The following ADGRE2 variants were observed in gnomAD, a reference collection of about 807,000 sequenced individuals.
ADGRE2 encodes CD97 antigen.
Under a neutral mutation model 100.8 loss-of-function variants are expected in ADGRE2, and 83 were observed. That is an observed-to-expected ratio of 0.82 (90% CI 0.69 to 0.99). The LOEUF (loss-of-function observed/expected upper bound fraction) is 0.99, where lower values mean the gene tolerates loss of function less well. Ranked by LOEUF, ADGRE2 falls within the 50% of genes least tolerant of loss-of-function variation. The pLI is 0.00. For missense variants in ADGRE2, 814 were observed against 1,035.7 expected, an observed-to-expected ratio of 0.79 and a Z score of 2.94; for synonymous variants, 355 against 413.0, an observed-to-expected ratio of 0.86 and a Z score of 1.70.
chr19:14,776,876 G>T lies in ADGRE2; in HGVS notation c.-120C>A, dbSNP rs1390114206. On this transcript the variant is annotated 5_prime_UTR_variant, in exon 2 of 21. Coordinates refer to ENST00000315576, the MANE Select transcript of ADGRE2 (RefSeq NM_013447.4). ...CCCGAGGCCAGGACTTTATAAAGGA[G>T]GGGGGGCGGACAGCCGCTGGCCCAG... 3.9e-6 allele frequency: 6 copies of T among 1,533,932 alleles called. No homozygotes were observed. Among genetic ancestry groups the T allele is most frequent in the Non-Finnish European group, 5.3e-6 (6 of 1,137,988 alleles).
At chr19:14,727,807 C>T (rs2147045057), downstream of ADGRE2, among the ~76,000 whole-genome samples, 1 of 152,254 alleles carries the variant, frequency 6.6e-6, no homozygotes, top group South Asian at 2.1e-4. Context: ...CACCTTATAC[C>T]CTCTTGCCCA....
intron 4 of ADGRE2, among the ~76,000 whole-genome samples, chr19:14,773,097 AACAAAAAAAAAAAG>A (rs2044275808): frequency 4.5e-5 from 5 of 110,296 alleles, no homozygotes; most frequent in African/African-American, 1.9e-4. Flanking sequence ...AAAAAAAAAA[AACAAAAAAAAAAAG>A]AAAAAAGAAA....
the ADGRE2 span, among the ~76,000 whole-genome samples, chr19:14,727,141 C>T: frequency 1.3e-5 from 2 of 148,446 alleles, no homozygotes; most frequent in Non-Finnish European, 3.0e-5. Flanking sequence ...CATTCTCTCA[C>T]TTCAGCCTCC....
chr19:14,776,629 A>G (rs1243861428), intron 2 of ADGRE2, 97 bp downstream of exon 2: 17 of 1,395,682 alleles, frequency 1.2e-5, no homozygotes, highest in African/African-American at 1.4e-5. Flanking sequence ...CGCCGGCCCC[A>G]CAGACACCAG....
chr19:14,773,405 G>T (rs1337263627), intron 4 of ADGRE2, among the ~76,000 whole-genome samples: 27 of 90,488 alleles, frequency 3.0e-4, no homozygotes, highest in Admixed American at 5.4e-4. Flanking sequence ...CTCTCTTTCT[G>T]TCTTTTTTTT....
chr19:14,774,008 G>C lies in ADGRE2; in HGVS notation c.129C>G (p.Thr43=). ...TGAACCCTGGATTGCAGCGACAGGC[G>C]GTGGCATTGACACACGAGGAGTCCT... ...CPQDSSCVNA[T]ACRCNPGFSS... is the part of the protein sequence containing the mutation. Residue 43 remains threonine (T), a synonymous_variant, in exon 4 of 21, where the codon ACC becomes ACG. Transcript: ENST00000315576. The C allele has an allele frequency of 6.2e-7, 1 of 1,614,086 alleles. No homozygotes were observed. The highest frequency in any genetic ancestry group is 8.5e-7 in the Non-Finnish European group (1 of 1,180,028).
chr19:14,736,665 AATATATATATTTAGAAAT>A lies in ADGRE2; in HGVS notation c.2464-439_2464-422del, dbSNP rs1223755073. On this transcript the variant is annotated intron_variant, in intron 20 of 20. Transcript: ENST00000315576. ...ATTTAGAAATACATAGATATTTCTA[AATATATATATTTAGAAAT>A]ATATAGATATTTAGAAATATATAGA... 2.4e-3 allele frequency among the ~76,000 whole-genome samples: 340 copies of A among 140,024 alleles called. 3 individuals carry two copies. The highest frequency in any genetic ancestry group is 7.7e-3 in the African/African-American group (275 of 35,492). The allele number at this position is 140,024 out of a possible 152,430, so 91.9% of individuals were successfully genotyped here.
At chr19:14,762,546 A>G (rs2043764587) in intron 11 of ADGRE2, among the ~76,000 whole-genome samples, 1 of 152,156 alleles carries the variant, frequency 6.6e-6, no homozygotes, top group Non-Finnish European at 1.5e-5. Flanking sequence ...TGATGCAAGC[A>G]TTTTAGAAAT....
At chr19:14,726,642 C>G in the ADGRE2 span, among the ~76,000 whole-genome samples, 1 of 152,208 alleles carries the variant, frequency 6.6e-6, no homozygotes, top group African/African-American at 2.4e-5. Context: ...ACCAGACACT[C>G]TCTAAGTCAT....
At chr19:14,763,648 GCT>G (rs1170568371) in intron 11 of ADGRE2, among the ~76,000 whole-genome samples, 2 of 46,584 alleles carry the variant, frequency 4.3e-5, no homozygotes, top group Non-Finnish European at 8.4e-5. Flanking sequence ...CCTCTCCTCC[GCT>G]CTTTCTCGTC....
In ADGRE2 at chr19:14,733,126, C is replaced by T. The variant is rs1397281512; in HGVS notation, c.*3110G>A. 1.3e-5 allele frequency: 2 copies of T among 152,150 alleles called. No homozygotes were observed. The highest frequency in any genetic ancestry group is 4.8e-5 in the African/African-American group (2 of 41,418). 9.4% of individuals were successfully genotyped at this position (152,150 alleles called of 1,614,324 possible). A position where few individuals can be genotyped will look rare whatever the true frequency, so the allele number is the denominator to read the frequency against. ...CAAAGGGCACGCAGAATCCCATGCA[C>T]CCATCATGTATGTAATAAAAGGCAG... On this transcript the variant is annotated 3_prime_UTR_variant, in exon 21 of 21. Transcript: ENST00000315576.
rs374518362 is a variant in ADGRE2, at chr19:14,751,520, A to T, written c.1940T>A (p.Met647Lys). Reference protein sequence around the residue: ...SSINRFMKKLMFPVGYGVPAV... With the variant: ...SSINRFMKKLKFPVGYGVPAV... ...TGGGACTCCGTAGCCCACAGGGAAC[A>T]TGAGCTTCTTCATGAATCTGTTGAT... The change falls in exon 16 of 21, where the codon ATG (methionine) becomes AAG (lysine). Residue 647 changes from methionine (M) to lysine (K), a missense_variant. Met to Lys is a moderately conservative substitution (Grantham distance 95). Around this residue, in one of 5 missense-constraint regions of ADGRE2, gnomAD observed 569 missense variants for 692.7 expected, o/e 0.82. Transcript: ENST00000315576. 585 of 1,614,138 alleles carry T rather than the reference A, an allele frequency of 3.6e-4. 9 individuals carry two copies. In the South Asian group the frequency reaches 5.0e-3, roughly 14 times the overall value.
downstream of ADGRE2, among the ~76,000 whole-genome samples, chr19:14,729,644 G>A (rs907128635): frequency 1.9e-4 from 29 of 152,208 alleles, no homozygotes; most frequent in African/African-American, 5.1e-4. Context: ...GAACCACTGC[G>A]CCCGGTGGGA....
chr19:14,760,805 A>G (rs1482476923), intron 11 of ADGRE2, among the ~76,000 whole-genome samples: 6 of 152,142 alleles, frequency 3.9e-5, no homozygotes. Context: ...AGCATTTAAC[A>G]TAACACAGAC....
At chr19:14,773,104 AAAAAAAG>A (rs1568627181) in intron 4 of ADGRE2, among the ~76,000 whole-genome samples, 5 of 149,590 alleles carry the variant, frequency 3.3e-5, no homozygotes, top group South Asian at 2.1e-4. Context: ...AAAAACAAAA[AAAAAAAG>A]AAAAAAGAAA....
chr19:14,771,064 A>G (rs1157721099), intron 5 of ADGRE2, among the ~76,000 whole-genome samples: 2 of 151,556 alleles, frequency 1.3e-5, no homozygotes, highest in East Asian at 3.9e-4. Flanking sequence ...TTCACAGGGG[A>G]CCCCTGTGAA....
At chr19:14,756,216 A>G (rs1599834730) in intron 12 of ADGRE2, 22 bp downstream of exon 12, 1 of 1,530,610 alleles carries the variant, frequency 6.5e-7, no homozygotes, top group Non-Finnish European at 9.1e-7. Flanking sequence ...TTCACTGACC[A>G]CCTCCCCATC....
At chr19:14,770,669 C>CTTTTTTTTTTT (rs775214778) in intron 5 of ADGRE2, among the ~76,000 whole-genome samples, 25 of 85,000 alleles carry the variant, frequency 2.9e-4, no homozygotes, top group African/African-American at 1.1e-3. Context: ...TCTTTCTTTT[C>CTTTTTTTTTTT]TTTTTTTTTT....
chr19:14,741,375 G>T (rs2042924544), intron 20 of ADGRE2: 1 of 151,866 alleles, frequency 6.6e-6, no homozygotes, highest in Non-Finnish European at 1.5e-5. Flanking sequence ...AAGATTATAG[G>T]TATGAGCCAC....
Sources: allele counts gnomAD v4.1 joint callset (sites outside exome capture counted in the v4.1 genomes callset), GRCh38; gene constraint gnomAD v4.1.1; regional missense constraint gnomAD v4.1.1; transcripts MANE v1.5; gene names NCBI Gene and HGNC (gene_info 2026-07-23, HGNC 2026-07-21).